The following GAS2L3 variants were observed in gnomAD, a reference collection of about 807,000 sequenced individuals.
The protein encoded by GAS2L3 is growth arrest specific 2 like 3, also known as GAS2-like protein 3.
In GAS2L3, 28 loss-of-function variants were observed where a neutral mutation model predicts 37.0. The observed-to-expected ratio is 0.76, with a 90% CI of 0.56 to 1.04. The LOEUF (loss-of-function observed/expected upper bound fraction) is 1.04, where lower values mean the gene tolerates loss of function less well. Among genes scored for constraint, GAS2L3 ranks in the 50% least tolerant of loss-of-function variants. GAS2L3 has a pLI of 0.00. For synonymous variants in GAS2L3, 290 were observed against 296.6 expected, an observed-to-expected ratio of 0.98 and a Z score of 0.23; for missense variants, 793 against 817.6, an observed-to-expected ratio of 0.97 and a Z score of 0.37.
At chr12:100,575,211 C>A (rs79369271) in intron 1 of GAS2L3, among the ~76,000 whole-genome samples, 2,666 of 152,026 alleles carry the variant, frequency 0.018, 47 homozygotes, top group Non-Finnish European at 0.027. Context: ...ATTATTATTT[C>A]TCTGCTGTTT....
At chr12:100,601,140 A>T (rs767073472) in intron 4 of GAS2L3, among the ~76,000 whole-genome samples, 3 of 152,188 alleles carry the variant, frequency 2.0e-5, no homozygotes, top group Non-Finnish European at 2.9e-5. Context: ...ATCTTAAAAG[A>T]TACAGCTCTT....
intron 1 of GAS2L3, among the ~76,000 whole-genome samples, chr12:100,585,630 CCT>C (rs1955771659): frequency 6.6e-6 from 1 of 152,208 alleles, no homozygotes; most frequent in African/African-American, 2.4e-5. Flanking sequence ...GTAAATGCTG[CCT>C]CTGTCTCTGC....
intron 8 of GAS2L3, among the ~76,000 whole-genome samples, chr12:100,620,019 T>C (rs1310409498): frequency 3.3e-5 from 5 of 152,026 alleles, no homozygotes; most frequent in Non-Finnish European, 7.4e-5. Context: ...TACTTAGTGT[T>C]TACTGTTGGC....
chr12:100,594,810 G>T, intron 2 of GAS2L3, 65 bp from the exon 3 acceptor site: 1 of 488,476 alleles, frequency 2.0e-6, no homozygotes, highest in South Asian at 5.2e-5. Context: ...TTGTAATTTG[G>T]GGGTTTGGGG....
chr12:100,615,442 G>T (rs939469247), intron 6 of GAS2L3, among the ~76,000 whole-genome samples: 4 of 151,668 alleles, frequency 2.6e-5, no homozygotes, highest in African/African-American at 9.7e-5. Context: ...CCTAGCCTTT[G>T]GGTTATTTTT....
At chr12:100,586,170 A>T (rs1417899711) in intron 1 of GAS2L3, among the ~76,000 whole-genome samples, 1 of 152,228 alleles carries the variant, frequency 6.6e-6, no homozygotes, top group Non-Finnish European at 1.5e-5. Flanking sequence ...CAGGTCATCA[A>T]GACAGAAAAT....
intron 5 of GAS2L3, among the ~76,000 whole-genome samples, chr12:100,602,306 T>C (rs1956000847): frequency 6.6e-6 from 1 of 152,090 alleles, no homozygotes; most frequent in South Asian, 2.1e-4. Context: ...TCATTAACCC[T>C]GAAGTCATGA....
chr12:100,590,296 G>A (rs2136418486), intron 1 of GAS2L3, among the ~76,000 whole-genome samples: 1 of 152,130 alleles, frequency 6.6e-6, no homozygotes, highest in South Asian at 2.1e-4. Context: ...TATACAAATG[G>A]CCAATAAAAA....
At chr12:100,605,045 G>A (rs1274448834) in intron 5 of GAS2L3, among the ~76,000 whole-genome samples, 4 of 151,958 alleles carry the variant, frequency 2.6e-5, no homozygotes, top group Non-Finnish European at 5.9e-5. Flanking sequence ...AGAGATATTG[G>A]TCTGTTGTCT....
At chr12:100,613,634 G>A (rs1399268385) in intron 6 of GAS2L3, among the ~76,000 whole-genome samples, 1 of 147,928 alleles carries the variant, frequency 6.8e-6, no homozygotes. Context: ...TCGCTATGTC[G>A]CCCAGGCTGG....
At chr12:100,609,100 C>G (rs771815600) in intron 5 of GAS2L3, among the ~76,000 whole-genome samples, 1 of 152,148 alleles carries the variant, frequency 6.6e-6, no homozygotes, top group African/African-American at 2.4e-5. Flanking sequence ...AAATGCTGAC[C>G]AAGAGCCTAG....
At chr12:100,579,912 G>A in intron 1 of GAS2L3, 1 of 762,156 alleles carries the variant, frequency 1.3e-6, no homozygotes, top group Admixed American at 1.7e-5. Flanking sequence ...AAGGAATGTT[G>A]TGGAGAGAAC....
intron 6 of GAS2L3, among the ~76,000 whole-genome samples, chr12:100,614,966 G>A (rs1956169058): frequency 6.6e-6 from 1 of 152,054 alleles, no homozygotes; most frequent in Admixed American, 6.6e-5. Context: ...GAATAATGTT[G>A]CTCTGAACAT....
At chr12:100,589,053 C>T (rs112306210) in intron 1 of GAS2L3, among the ~76,000 whole-genome samples, 2,875 of 152,186 alleles carry the variant, frequency 0.019, 75 homozygotes, top group African/African-American at 0.06. Flanking sequence ...ACATCCTCAG[C>T]TTACGAAGAT....
chr12:100,598,042 C>A (rs1375555113), intron 3 of GAS2L3, among the ~76,000 whole-genome samples: 1 of 151,990 alleles, frequency 6.6e-6, no homozygotes, highest in Non-Finnish European at 1.5e-5. Flanking sequence ...TTTGCCTGAG[C>A]CATTTGAGAG....
chr12:100,594,560 CTT>C (rs1431079312), intron 2 of GAS2L3, among the ~76,000 whole-genome samples: 2 of 151,718 alleles, frequency 1.3e-5, no homozygotes, highest in Non-Finnish European at 2.9e-5. Context: ...TTCTGGGAGA[CTT>C]TTATATGAGC....
chr12:100,574,243 C>G (rs140532456), intron 1 of GAS2L3, among the ~76,000 whole-genome samples: 1 of 152,300 alleles, frequency 6.6e-6, no homozygotes, highest in African/African-American at 2.4e-5. Context: ...TCATCATCCT[C>G]GGAAAGAATT....
intron 1 of GAS2L3, among the ~76,000 whole-genome samples, chr12:100,582,743 G>A (rs558908763): frequency 3.9e-5 from 6 of 152,276 alleles, no homozygotes; most frequent in South Asian, 2.1e-4. Context: ...GGTTTAAGAC[G>A]ACACATATTC....
intron 1 of GAS2L3, chr12:100,579,857 G>A: frequency 2.7e-6 from 2 of 744,482 alleles, no homozygotes; most frequent in Non-Finnish European, 5.0e-6. Context: ...GGGCATTGCT[G>A]GCTCCAGAAA....
Sources: gnomAD v4.1 joint callset for allele counts (sites outside exome capture counted in the v4.1 genomes callset) on GRCh38, gnomAD v4.1.1 for gene constraint, MANE v1.5 for transcripts, NCBI Gene and HGNC (gene_info 2026-07-23, HGNC 2026-07-21) for gene names.